CCT5: variants seen among roughly 807,000 people sequenced by gnomAD.
The protein encoded by CCT5 is chaperonin containing TCP1 subunit 5.
CCT5 carries 6 observed loss-of-function variants against 55.0 expected under a neutral mutation model. That is an observed-to-expected ratio of 0.11 (90% confidence interval 0.06 to 0.22). The LOEUF (loss-of-function observed/expected upper bound fraction) is 0.22, where lower values mean the gene tolerates loss of function less well. CCT5 is among the 10% of genes least tolerant of loss of function. CCT5 has a pLI of 1.00. For missense variants in CCT5, 560 were observed against 694.6 expected (o/e 0.81, Z 2.18); for synonymous variants, 231 against 243.7 (o/e 0.95, Z 0.49).
intron 2 of CCT5, 92 bp from the exon 3 acceptor site, chr5:10,254,582 C>T (rs1419279115): frequency 1.3e-5 from 14 of 1,082,706 alleles, no homozygotes; most frequent in African/African-American, 3.1e-5. Context: ...ATAAATTGCA[C>T]AGATAAGAGC....
rs551923432 is a variant in CCT5, at chr5:10,260,221, C to G, written c.874-571C>G. Among the ~76,000 whole-genome samples the G allele has an allele frequency of 2.3e-3, 353 of 152,264 alleles. 1 individual carries two copies. Among genetic ancestry groups the G allele is most frequent in the African/African-American group, 7.1e-3 (294 of 41,536 alleles). On this transcript the variant is annotated intron_variant, in intron 6 of 10. Transcript: ENST00000280326. Reference sequence around the variant, plus strand: ...AGGTGAGCACCAGAGGTGGGGTGGGCAGCCTGATCGTTGCCCTCCTAATTG... The same window carrying G: ...AGGTGAGCACCAGAGGTGGGGTGGGGAGCCTGATCGTTGCCCTCCTAATTG...
chr5:10,264,683 C>A lies in CCT5; in HGVS notation c.1526C>A (p.Thr509Asn). The A allele has an allele frequency of 6.2e-7, 1 of 1,613,564 alleles. No homozygotes were observed. Among genetic ancestry groups the A allele is most frequent in the Non-Finnish European group, 8.5e-7 (1 of 1,179,546 alleles). ...ATGAAGCAACAGCATGTCATAGAAA[C>A]CTTGATTGGCAAAAAGCAACAGATA... is the stretch of plus-strand genomic sequence containing the variant. ...NDMKQQHVIETLIGKKQQISL... is the reference protein window; with the variant it reads ...NDMKQQHVIENLIGKKQQISL... Residue 509 changes from threonine (T) to asparagine (N), a missense_variant, in exon 11 of 11, where the codon ACC becomes AAC. Transcript: ENST00000280326.
Position 10,258,507 on chromosome 5 carries a change from A to C in CCT5, c.845A>C (p.Lys282Thr). ...EDYKALQKYE[K>T]EKFEEMIQQI... The stretch of plus-strand genomic sequence containing the variant: ...TATAAAGCCCTTCAGAAATACGAAA[A>C]GGAGAAATTTGAAGAGATGATTCAA... Residue 282 changes from lysine to threonine, a missense_variant, in exon 6 of 11, where the codon AAG becomes ACG. By Grantham distance (78) the Lys-to-Thr change is moderately conservative. Coordinates refer to ENST00000280326, the MANE Select transcript of CCT5 (RefSeq NM_012073.5). 1 of 1,613,940 alleles carries C rather than the reference A, an allele frequency of 6.2e-7. No individual in the cohort carries two copies. The highest frequency in any genetic ancestry group is 8.5e-7 in the Non-Finnish European group (1 of 1,179,866).
rs1208303917 is a variant in CCT5, at chr5:10,264,896, C to T, written c.*113C>T. 2 of 1,387,480 alleles carry T rather than the reference C, an allele frequency of 1.4e-6. No individual in the cohort carries two copies. The highest frequency in any genetic ancestry group is 2.8e-5 in the African/African-American group (2 of 70,384). The allele number at this position is 1,387,480 out of a possible 1,614,324, so 85.9% of individuals were successfully genotyped here. A position where few individuals can be genotyped will look rare whatever the true frequency, so the allele number is the denominator to read the frequency against. ...CATCCTTTTCCAGACACTGTAGATG[C>T]TATAATAAAAATAGCTGTTTGGTAA... is the stretch of plus-strand genomic sequence containing the variant. On this transcript the variant is annotated 3_prime_UTR_variant, in exon 11 of 11. Coordinates refer to ENST00000280326, the MANE Select transcript of CCT5 (RefSeq NM_012073.5).
At chr5:10,249,923 AAAAAAAAAAAACC>A (rs1561039916), upstream of CCT5, 124 of 1,303,208 alleles carry the variant, frequency 9.5e-5, no homozygotes, top group East Asian at 3.3e-4. Context: ...AAAAAAAAAA[AAAAAAAAAAAACC>A]GGAAATGGGT....
chr5:10,255,398 G>A (rs988101723), intron 3 of CCT5, among the ~76,000 whole-genome samples: 6 of 151,878 alleles, frequency 4.0e-5, no homozygotes, highest in Non-Finnish European at 8.8e-5. Flanking sequence ...TAAAAAGTTG[G>A]GGAGATTGAA....
rs1746235089 is a variant in CCT5 at position 10,266,369 on chromosome 5, T to G, written c.*1586T>G. The G allele has an allele frequency of 6.6e-6, 1 of 152,248 alleles. No individual in the cohort carries two copies. Among genetic ancestry groups the G allele is most frequent in the Non-Finnish European group, 1.5e-5 (1 of 68,046 alleles). 9.4% of individuals were successfully genotyped at this position (152,248 alleles called of 1,614,324 possible). On this transcript the variant is annotated 3_prime_UTR_variant, in exon 11 of 11. Coordinates refer to ENST00000280326, the MANE Select transcript of CCT5 (RefSeq NM_012073.5). Reference sequence around the variant, plus strand: ...CTTTGATTTTTGTTTCATTTATTTGTAATAAACCTCTTCCACGTGATGTCT... The same window carrying G: ...CTTTGATTTTTGTTTCATTTATTTGGAATAAACCTCTTCCACGTGATGTCT...
At chr5:10,262,317 A>G (rs1308661493) in intron 8 of CCT5, 164 bp from the exon 9 acceptor site, 1 of 765,500 alleles carries the variant, frequency 1.3e-6, no homozygotes, top group East Asian at 2.8e-5. Flanking sequence ...AATTTTGTTA[A>G]CTACATTGCA....
Position 10,250,315 on chromosome 5 carries a change from G to A in CCT5, c.-26G>A, listed in dbSNP as rs1325638441. 6.2e-7 allele frequency: 1 copy of A among 1,613,878 alleles called. No homozygotes were observed. Among genetic ancestry groups the A allele is most frequent in the East Asian group, 2.2e-5 (1 of 44,882 alleles). ...TTCCGTAGCGGTCTCCGCCGGTTGGGGGGAAGTAATTCCGGTTGTTGCACC... is the reference window on the plus strand; with the variant it reads ...TTCCGTAGCGGTCTCCGCCGGTTGGAGGGAAGTAATTCCGGTTGTTGCACC... On this transcript the variant is annotated 5_prime_UTR_variant, in exon 1 of 11. Transcript: ENST00000280326.
intron 9 of CCT5, 133 bp downstream of exon 9, chr5:10,262,751 C>G: frequency 1.1e-6 from 1 of 950,464 alleles, no homozygotes. Flanking sequence ...GTGTTTTAAT[C>G]TAAGTTAATT....
At chr5:10,254,023 A>C (rs1412009267) in intron 1 of CCT5, 122 bp from the exon 2 acceptor site, 5 of 724,926 alleles carry the variant, frequency 6.9e-6, no homozygotes, top group African/African-American at 1.7e-5. Context: ...TTGCCCCTTA[A>C]ATGTAGAAGC....
chr5:10,254,933 G>A, intron 3 of CCT5, 95 bp downstream of exon 3: 1 of 1,042,436 alleles, frequency 9.6e-7, no homozygotes, highest in African/African-American at 1.6e-5. Context: ...CTGAATCAGA[G>A]CATGAGGAGA....
chr5:10,262,700 T>C (rs896755027), intron 9 of CCT5, 82 bp downstream of exon 9: 42 of 1,480,486 alleles, frequency 2.8e-5, no homozygotes, highest in Non-Finnish European at 2.0e-5. Flanking sequence ...AGCGAGGTGC[T>C]GGATGCAAAA....
intron 7 of CCT5, 25 bp from the exon 8 acceptor site, chr5:10,261,535 C>A: frequency 6.2e-7 from 1 of 1,612,340 alleles, no homozygotes. Flanking sequence ...CTGTCTTCAT[C>A]CTTCTCCCTG....
At position 10,250,788 on chromosome 5, in the gene CCT5, A is replaced by C. The variant is rs1043700096; in HGVS notation, c.105+343A>C. On this transcript the variant is annotated intron_variant, in intron 1 of 10. Transcript: ENST00000280326. ...CCGCGTGGGACTGCGCTCCAGTGGG[A>C]GGGCGCCGGGGAGATGCTCTGTCAC... is the stretch of plus-strand genomic sequence containing the variant. 19 of 1,179,664 alleles carry C rather than the reference A, an allele frequency of 1.6e-5. No homozygotes were observed. In the African/African-American group the frequency reaches 2.8e-4, roughly 17 times the overall value. 73.1% of individuals were successfully genotyped at this position (1,179,664 alleles called of 1,614,324 possible).
At position 10,265,107 on chromosome 5, in the gene CCT5, A is replaced by G. The variant is rs970702403; in HGVS notation, c.*324A>G. 5 of 302,108 alleles carry G rather than the reference A, an allele frequency of 1.7e-5. No homozygotes were observed. The highest frequency in any genetic ancestry group is 1.1e-4 in the African/African-American group (5 of 45,258). 18.7% of individuals were successfully genotyped at this position (302,108 alleles called of 1,614,324 possible). A position where few individuals can be genotyped will look rare whatever the true frequency, so the allele number is the denominator to read the frequency against. On this transcript the variant is annotated 3_prime_UTR_variant, in exon 11 of 11. Coordinates refer to ENST00000280326, the MANE Select transcript of CCT5 (RefSeq NM_012073.5). The stretch of plus-strand genomic sequence containing the variant: ...GGGTTTGGGTGGATTTTTTTTTCTC[A>G]AAATAAGCTGTAGGGACTATTTTAA...
Position 10,265,929 on chromosome 5 carries a change from T to G in CCT5, c.*1146T>G, listed in dbSNP as rs1202560055. The stretch of plus-strand genomic sequence containing the variant: ...GGAAATGGTGACTCTTGTCTAAATT[T>G]GGTTAAGTGATGAATTTGGGTTACC... On this transcript the variant is annotated 3_prime_UTR_variant, in exon 11 of 11. Transcript: ENST00000280326. 6.6e-6 allele frequency: 1 copy of G among 152,212 alleles called. No homozygotes were observed. Among genetic ancestry groups the G allele is most frequent in the African/African-American group, 2.4e-5 (1 of 41,446 alleles). The allele number at this position is 152,212 out of a possible 1,614,324, so 9.4% of individuals were successfully genotyped here.
At chr5:10,255,357 G>A (rs931715922) in intron 3 of CCT5, among the ~76,000 whole-genome samples, 1 of 152,116 alleles carries the variant, frequency 6.6e-6, no homozygotes, top group Non-Finnish European at 1.5e-5. Flanking sequence ...TTTTAGTATT[G>A]TACCTTTTTT....
At chr5:10,262,650 TCAGGC>T in intron 9 of CCT5, 32 bp downstream of exon 9, 1 of 1,612,792 alleles carries the variant, frequency 6.2e-7, no homozygotes, top group Non-Finnish European at 8.5e-7. Flanking sequence ...AGTGAAAGAT[TCAGGC>T]CTCGCTGATG....
Sources: gnomAD v4.1 joint callset for allele counts (sites outside exome capture counted in the v4.1 genomes callset) on GRCh38, gnomAD v4.1.1 for gene constraint, MANE v1.5 for transcripts, NCBI Gene and HGNC (gene_info 2026-07-23, HGNC 2026-07-21) for gene names.